Variants in EVC2 observed in about 807,000 individuals in gnomAD.
EVC2 encodes limbin.
EVC2 carries 148 observed loss-of-function variants against 149.3 expected under a neutral mutation model. The ratio of observed to expected loss-of-function variants is 0.99; its 90% CI spans 0.87 to 1.14. The LOEUF (loss-of-function observed/expected upper bound fraction) is 1.14. EVC2 is among the 50% of genes most tolerant of loss of function. The pLI, the probability that EVC2 is intolerant of heterozygous loss-of-function variation, is 0.00. For missense variants in EVC2, 1,854 were observed against 1,627.3 expected, an observed-to-expected ratio of 1.14 and a Z score of -2.40; for synonymous variants, 776 against 649.9, an observed-to-expected ratio of 1.19 and a Z score of -2.95.
intron 9 of EVC2, among the ~76,000 whole-genome samples, chr4:5,644,840 T>C (rs967199010): frequency 6.6e-6 from 1 of 152,210 alleles, no homozygotes; most frequent in African/African-American, 2.4e-5. Context: ...TCCATCCATG[T>C]TGCTTCAAAT....
intron 6 of EVC2, among the ~76,000 whole-genome samples, chr4:5,681,785 G>A (rs1720362400): frequency 6.6e-6 from 1 of 152,220 alleles, no homozygotes; most frequent in Non-Finnish European, 1.5e-5. Flanking sequence ...TTCCTCTGCT[G>A]AGAAGATACA....
At chr4:5,638,393 A>G (rs570409894) in intron 10 of EVC2, among the ~76,000 whole-genome samples, 1 of 133,654 alleles carries the variant, frequency 7.5e-6, no homozygotes, top group East Asian at 3.1e-4. Context: ...TATCTCAAAA[A>G]ACAAAAAAAA....
chr4:5,706,417 G>A (rs868795517), intron 1 of EVC2, among the ~76,000 whole-genome samples: 1 of 61,542 alleles, frequency 1.6e-5, no homozygotes, highest in African/African-American at 9.4e-5. Context: ...TAGATACATA[G>A]ATAGATAGAT....
exon 22 of EVC2, chr4:5,543,057 CAG>C: frequency 1.9e-6 from 2 of 1,036,748 alleles, no homozygotes; most frequent in Non-Finnish European, 2.6e-6. Context: ...ATTACGCAAA[CAG>C]AGGCTCCAAC....
At chr4:5,584,031 C>T (rs922688633) in intron 17 of EVC2, among the ~76,000 whole-genome samples, 1 of 152,038 alleles carries the variant, frequency 6.6e-6, no homozygotes, top group African/African-American at 2.4e-5. Flanking sequence ...TGTCTATTTA[C>T]AACTTAGTAG....
In EVC2 at chr4:5,640,386, G is replaced by T; in HGVS notation, c.1470+128C>A. 9.5e-7 allele frequency: 1 copy of T among 1,056,608 alleles called. No homozygotes were observed. The highest frequency in any genetic ancestry group is 1.5e-6 in the Non-Finnish European group (1 of 677,692). 65.5% of individuals were successfully genotyped at this position (1,056,608 alleles called of 1,614,324 possible). A position where few individuals can be genotyped will look rare whatever the true frequency, so the allele number is the denominator to read the frequency against. ...AATGGAAGGATGAATAGATGAATGAGTGGGTGGTTGGATGGATGATGGGTA... is the reference window on the plus strand; with the variant it reads ...AATGGAAGGATGAATAGATGAATGATTGGGTGGTTGGATGGATGATGGGTA... On this transcript the variant is annotated intron_variant, in intron 10 of 21. Coordinates refer to ENST00000344408, the MANE Select transcript of EVC2 (RefSeq NM_147127.5). The surrounding 1 kb of genome is among the most constrained non-coding windows in gnomAD (Gnocchi z 4.6).
the EVC2 span, among the ~76,000 whole-genome samples, chr4:5,537,074 A>G: frequency 6.6e-6 from 1 of 152,200 alleles, no homozygotes; most frequent in Non-Finnish European, 1.5e-5. Flanking sequence ...AATAGTTTTC[A>G]AGGTGTTGGA....
chr4:5,555,691 T>C (rs1009169540), intron 21 of EVC2, among the ~76,000 whole-genome samples: 4 of 152,188 alleles, frequency 2.6e-5, no homozygotes, highest in Admixed American at 2.6e-4. Flanking sequence ...TCCACTACTA[T>C]AGTTGGAAAC....
intron 9 of EVC2, among the ~76,000 whole-genome samples, chr4:5,662,495 A>G (rs918029986): frequency 4.9e-5 from 5 of 101,976 alleles, no homozygotes; most frequent in African/African-American, 1.9e-4. Flanking sequence ...TAATATTAAT[A>G]TTAAATATAT....
chr4:5,662,870 T>A (rs1718992476), intron 9 of EVC2, among the ~76,000 whole-genome samples: 1 of 151,886 alleles, frequency 6.6e-6, no homozygotes, highest in African/African-American at 2.4e-5. Flanking sequence ...TGTGGTCACT[T>A]CTGTTTATGT....
At chr4:5,652,625 G>C (rs1303789157) in intron 9 of EVC2, among the ~76,000 whole-genome samples, 2 of 152,184 alleles carry the variant, frequency 1.3e-5, no homozygotes, top group African/African-American at 4.8e-5. Context: ...GGAGCTGCTG[G>C]TGGATAAAAA....
chr4:5,549,534 C>T (rs1282263614), intron 21 of EVC2, among the ~76,000 whole-genome samples: 9 of 152,170 alleles, frequency 5.9e-5, no homozygotes, highest in African/African-American at 2.2e-4. Context: ...CATCATTGGA[C>T]ATTTAGTCTT....
At chr4:5,571,076 G>A (rs771507190) in intron 19 of EVC2, among the ~76,000 whole-genome samples, 44 of 152,214 alleles carry the variant, frequency 2.9e-4, no homozygotes, top group Admixed American at 5.2e-4. Context: ...AGCACTTTGG[G>A]AGGCTGAGGC....
intron 1 of EVC2, among the ~76,000 whole-genome samples, chr4:5,703,097 G>A (rs1721930414): frequency 6.6e-6 from 1 of 152,120 alleles, no homozygotes; most frequent in African/African-American, 2.4e-5. Flanking sequence ...TAAGCCAAAT[G>A]GCATACTGTA....
chr4:5,698,630 C>CCAGT (rs966630744), intron 1 of EVC2, among the ~76,000 whole-genome samples: 17 of 152,226 alleles, frequency 1.1e-4, no homozygotes, highest in African/African-American at 4.1e-4. Flanking sequence ...TCTCCATGTG[C>CCAGT]CAGTGCTTAC....
rs185417844 is a variant in EVC2, at chr4:5,686,836, T to G, written c.707-1357A>C. Among the ~76,000 whole-genome samples, 1 of 151,350 alleles carries G rather than the reference T, an allele frequency of 6.6e-6. No individual in the cohort carries two copies. Among genetic ancestry groups the G allele is most frequent in the Admixed American group, 6.6e-5 (1 of 15,212 alleles). ...CCCCAAGGTGAAAATCAATGTCACATTCCTTGGCGTAGCGGTGAGTTCACA... is the reference window on the plus strand; with the variant it reads ...CCCCAAGGTGAAAATCAATGTCACAGTCCTTGGCGTAGCGGTGAGTTCACA... On this transcript the variant is annotated intron_variant, in intron 5 of 21. Transcript: ENST00000344408. The surrounding 1 kb of genome is among the most constrained non-coding windows in gnomAD (Gnocchi z 5.4).
intron 17 of EVC2, among the ~76,000 whole-genome samples, chr4:5,582,056 G>T (rs577023363): frequency 4.4e-4 from 67 of 152,322 alleles, no homozygotes; most frequent in Non-Finnish European, 7.8e-4. Flanking sequence ...CTTCTGCTGG[G>T]GCAGAGCCCT....
At chr4:5,593,928 T>C (rs1001729723) in intron 16 of EVC2, among the ~76,000 whole-genome samples, 6 of 152,232 alleles carry the variant, frequency 3.9e-5, no homozygotes, top group African/African-American at 1.4e-4. Context: ...ATCCCCCACC[T>C]GGCTTGGAGG....
In EVC2 at chr4:5,633,635, T is replaced by C. The variant is rs947230018; in HGVS notation, c.1471-1603A>G. ...GATGCGTGGGTACAGCCATCCCAAA[T>C]GGCCAATAAAGGCCTGGCCTTGGGA... On this transcript the variant is annotated intron_variant, in intron 10 of 21. Coordinates refer to ENST00000344408, the MANE Select transcript of EVC2 (RefSeq NM_147127.5). This position sits in a 1 kb window ranked among gnomAD's most constrained non-coding sequence, Gnocchi z 4.4. 1.3e-5 allele frequency among the ~76,000 whole-genome samples: 2 copies of C among 152,204 alleles called. No individual in the cohort carries two copies. Among genetic ancestry groups the C allele is most frequent in the East Asian group, 3.9e-4 (2 of 5,184 alleles).
Sources: allele counts gnomAD v4.1 joint callset (sites outside exome capture counted in the v4.1 genomes callset), GRCh38; gene constraint gnomAD v4.1.1; non-coding constraint Gnocchi (gnomAD v3.1); transcripts MANE v1.5; gene names NCBI Gene and HGNC (gene_info 2026-07-23, HGNC 2026-07-21).